The following ZC3HAV1L variants were observed in gnomAD, a reference collection of about 807,000 sequenced individuals.
ZC3HAV1L encodes the protein ZC3HAV1 like.
In ZC3HAV1L, 23 loss-of-function variants were observed where a neutral mutation model predicts 28.2. That is an observed-to-expected ratio of 0.82 (90% CI 0.59 to 1.16). The LOEUF is 1.16. ZC3HAV1L is among the 50% of genes most tolerant of loss of function. The probability of loss-of-function intolerance (pLI) is 0.00; values close to 1 mark genes in which losing one functional copy is unlikely to be tolerated. For synonymous variants in ZC3HAV1L, 180 were observed against 163.4 expected, an observed-to-expected ratio of 1.10 and a Z score of -0.78; for missense variants, 376 against 387.7, an observed-to-expected ratio of 0.97 and a Z score of 0.25.
chr7:139,035,216 G>A (rs1315037937), intron 1 of ZC3HAV1L: 62 of 985,328 alleles, frequency 6.3e-5, no homozygotes, highest in Admixed American at 1.2e-4. Flanking sequence ...AGAGGGCGCA[G>A]ACCCGCTTCT....
chr7:139,035,956 A>C lies in ZC3HAV1L; in HGVS notation c.62T>G (p.Met21Arg). The C allele has an allele frequency of 6.6e-7, 1 of 1,519,940 alleles. No homozygotes were observed. The highest frequency in any genetic ancestry group is 8.8e-7 in the Non-Finnish European group (1 of 1,141,900). The allele number at this position is 1,519,940 out of a possible 1,614,324, so 94.2% of individuals were successfully genotyped here. The change falls in exon 1 of 5, where the codon ATG (methionine) becomes AGG (arginine). Residue 21 changes from methionine (M) to arginine (R), a missense_variant. Met to Arg is a moderately conservative substitution (Grantham distance 91). Coordinates refer to ENST00000275766, the MANE Select transcript of ZC3HAV1L (RefSeq NM_080660.4). ...TKVLCAHGGR[M>R]FLKDLRGHVE... ...GTGGCCGCGCAGGTCCTTCAGGAAC[A>C]TGCGGCCGCCGTGGGCGCACAGCAC...
At chr7:139,028,385 AAAAAC>A (rs1815419455) in intron 3 of ZC3HAV1L, among the ~76,000 whole-genome samples, 1 of 150,068 alleles carries the variant, frequency 6.7e-6, no homozygotes, top group Non-Finnish European at 1.5e-5. Context: ...AAAAAAAAAC[AAAAAC>A]AAAACCTGTT....
At chr7:139,025,114 C>T (rs1039997644), downstream of ZC3HAV1L, among the ~76,000 whole-genome samples, 1 of 152,144 alleles carries the variant, frequency 6.6e-6, no homozygotes, top group East Asian at 1.9e-4. Context: ...GGATATACTG[C>T]TCATCCTTCA....
In ZC3HAV1L at chr7:139,026,498, C is replaced by A; in HGVS notation, c.*46G>T. The A allele has an allele frequency of 6.2e-7, 1 of 1,611,548 alleles. No individual in the cohort carries two copies. On this transcript the variant is annotated 3_prime_UTR_variant, in exon 5 of 5. Transcript: ENST00000275766. ...CCACCCCATCCCCAACCACCCATGC[C>A]CAAATGTATTCTTCCAAAAGGACAT...
chr7:139,034,968 T>C (rs1584823620), intron 1 of ZC3HAV1L: 1 of 985,340 alleles, frequency 1.0e-6, no homozygotes, highest in Non-Finnish European at 1.2e-6. Flanking sequence ...CCTGGCCTTC[T>C]CCCCGGCAAC....
chr7:139,035,108 C>T, intron 1 of ZC3HAV1L: 1 of 985,442 alleles, frequency 1.0e-6, no homozygotes, highest in Non-Finnish European at 1.2e-6. Flanking sequence ...CAGGAGGCAG[C>T]CCCGAACCCC....
At position 139,035,996 on chromosome 7, in the gene ZC3HAV1L, A is replaced by C. The variant is rs1373637895; in HGVS notation, c.22T>G (p.Ser8Ala). 2 of 1,520,572 alleles carry C rather than the reference A, an allele frequency of 1.3e-6. No homozygotes were observed. Among genetic ancestry groups the C allele is most frequent in the African/African-American group, 1.4e-5 (1 of 69,584 alleles). 94.2% of individuals were successfully genotyped at this position (1,520,572 alleles called of 1,614,324 possible). The stretch of plus-strand genomic sequence containing the variant: ...GCGCACAGCACCTTGGTGAGGAAGG[A>C]GCACACTGTGGGCTCCGCCATGGTC... MAEPTVCSFLTKVLCAHG... is the reference protein window; with the variant it reads MAEPTVCAFLTKVLCAHG... The change falls in exon 1 of 5, where the codon TCC (serine) becomes GCC (alanine). Residue 8 changes from serine to alanine, a missense_variant. Coordinates refer to ENST00000275766, the MANE Select transcript of ZC3HAV1L (RefSeq NM_080660.4).
rs1211860767 is a variant in ZC3HAV1L at position 139,035,742 on chromosome 7, G to T, written c.276C>A (p.Ala92=). Residue 92 remains alanine, a synonymous_variant, in exon 1 of 5, where the codon GCC becomes GCA. Transcript: ENST00000275766. ...CCTGGCACTCGCCGCGCTGGTAGCGGGCGCAGAGGCGCACAGAGGACACGG... is the reference window on the plus strand; with the variant it reads ...CCTGGCACTCGCCGCGCTGGTAGCGTGCGCAGAGGCGCACAGAGGACACGG... The part of the protein sequence containing the change: ...VVAVSSVRLC[A]RYQRGECQAC... The T allele has an allele frequency of 1.3e-6, 2 of 1,489,410 alleles. No individual in the cohort carries two copies. The highest frequency in any genetic ancestry group is 2.3e-5 in the Admixed American group (1 of 44,192). 92.3% of individuals were successfully genotyped at this position (1,489,410 alleles called of 1,614,324 possible).
chr7:139,026,718 C>T lies in ZC3HAV1L; in HGVS notation c.876G>A (p.Lys292=). ...CCCTTTAAGGTTTACCTGGGCAGGG[C>T]TTCTTGGCCGACTGAGCAGGGACAG... ...LASVPAQSAK[K]PCPVSCEK Residue 292 remains lysine, a synonymous_variant, in exon 4 of 5, where the codon AAG becomes AAA. Coordinates refer to ENST00000275766, the MANE Select transcript of ZC3HAV1L (RefSeq NM_080660.4). The T allele has an allele frequency of 6.2e-7, 1 of 1,614,112 alleles. No homozygotes were observed. The highest frequency in any genetic ancestry group is 8.5e-7 in the Non-Finnish European group (1 of 1,180,002).
chr7:139,025,390 G>T (rs553672893), downstream of ZC3HAV1L, among the ~76,000 whole-genome samples: 9 of 151,534 alleles, frequency 5.9e-5, no homozygotes, highest in South Asian at 1.9e-3. Context: ...GGAGGTTATG[G>T]TGAGATGAGA....
rs1815355092 is a variant in ZC3HAV1L, at chr7:139,026,494, A to C, written c.*50T>G. The C allele has an allele frequency of 6.2e-7, 1 of 1,610,452 alleles. No homozygotes were observed. Among genetic ancestry groups the C allele is most frequent in the Admixed American group, 1.7e-5 (1 of 59,908 alleles). On this transcript the variant is annotated 3_prime_UTR_variant, in exon 5 of 5. Transcript: ENST00000275766. ...TGTCCCACCCCATCCCCAACCACCCATGCCCAAATGTATTCTTCCAAAAGG... is the reference window on the plus strand; with the variant it reads ...TGTCCCACCCCATCCCCAACCACCCCTGCCCAAATGTATTCTTCCAAAAGG...
At chr7:139,035,443 T>C in intron 1 of ZC3HAV1L, 1 of 985,198 alleles carries the variant, frequency 1.0e-6, no homozygotes, top group Non-Finnish European at 1.2e-6. Flanking sequence ...GGTTGAGACG[T>C]CTCCATGGAG....
rs752733109 is a variant in ZC3HAV1L at position 139,034,547 on chromosome 7, G to A, written c.497C>T (p.Pro166Leu). 1.2e-6 allele frequency: 2 copies of A among 1,614,124 alleles called. No homozygotes were observed. Residue 166 changes from proline to leucine, a missense_variant, in exon 2 of 5, where the codon CCA (proline) becomes CTA (leucine). Coordinates refer to ENST00000275766, the MANE Select transcript of ZC3HAV1L (RefSeq NM_080660.4). ...LLLQNDPCLL[P>L]EVCLLYNKGE... is the part of the protein sequence containing the mutation. Reference sequence around the variant, plus strand: ...GGTGACTCCTTGGTGACTCACCTCTGGTAAAAGACAGGGGTCATTCTGCAA... The same window carrying A: ...GGTGACTCCTTGGTGACTCACCTCTAGTAAAAGACAGGGGTCATTCTGCAA...
At chr7:139,030,026 C>T (rs1815477327) in intron 2 of ZC3HAV1L, among the ~76,000 whole-genome samples, 1 of 152,192 alleles carries the variant, frequency 6.6e-6, no homozygotes, top group Non-Finnish European at 1.5e-5. Context: ...TGATGTGATG[C>T]AACAGAAATA....
Position 139,035,806 on chromosome 7 carries a change from G to T in ZC3HAV1L, c.212C>A (p.Ala71Glu). ...GGCGGAGGTGCCGCCACCGCCCACCGCGCCGGCCGCCGCCTCGGCCTCCGC... is the reference window on the plus strand; with the variant it reads ...GGCGGAGGTGCCGCCACCGCCCACCTCGCCGGCCGCCGCCTCGGCCTCCGC... ...GDAEAEAAAG[A>E]VGGGGTSAWR... Residue 71 changes from alanine (A) to glutamate (E), a missense_variant, in exon 1 of 5, where the codon GCG becomes GAG. Ala to Glu is a moderately radical substitution (Grantham distance 107). Transcript: ENST00000275766. 1 of 1,486,028 alleles carries T rather than the reference G, an allele frequency of 6.7e-7. No homozygotes were observed. The highest frequency in any genetic ancestry group is 1.3e-5 in the South Asian group (1 of 77,900). The allele number at this position is 1,486,028 out of a possible 1,614,324, so 92.1% of individuals were successfully genotyped here.
intron 2 of ZC3HAV1L, among the ~76,000 whole-genome samples, chr7:139,029,311 G>C (rs1367337185): frequency 6.6e-6 from 1 of 152,062 alleles, no homozygotes; most frequent in African/African-American, 2.4e-5. Context: ...GCCAATATTA[G>C]TTTTCACTCT....
intron 1 of ZC3HAV1L, 198 bp downstream of exon 1, chr7:139,035,455 G>A: frequency 1.0e-6 from 1 of 985,418 alleles, no homozygotes; most frequent in Non-Finnish European, 1.2e-6. Flanking sequence ...TCCATGGAGA[G>A]GACCTTCGCG....
At chr7:139,022,656 C>T (rs577334779), downstream of ZC3HAV1L, among the ~76,000 whole-genome samples, 4 of 152,302 alleles carry the variant, frequency 2.6e-5, no homozygotes, top group African/African-American at 9.6e-5. Context: ...GTCTTCACTA[C>T]CAAGTGTTAC....
chr7:139,026,378 C>CTAGGAGCTGCAGA lies in ZC3HAV1L; in HGVS notation c.*153_*165dup. 2.8e-6 allele frequency: 3 copies of CTAGGAGCTGCAGA among 1,081,342 alleles called. No homozygotes were observed. The highest frequency in any genetic ancestry group is 3.9e-6 in the Non-Finnish European group (3 of 776,350). 67.0% of individuals were successfully genotyped at this position (1,081,342 alleles called of 1,614,324 possible). Reference sequence around the variant, plus strand: ...CATCTACCCAGCCTGAGGAAAGCACCTAGGAGCTGCAGATAGCAGCTGCCA... The same window carrying CTAGGAGCTGCAGA: ...CATCTACCCAGCCTGAGGAAAGCACCTAGGAGCTGCAGATAGGAGCTGCAGATAGCAGCTGCCA... On this transcript the variant is annotated 3_prime_UTR_variant, in exon 5 of 5. Transcript: ENST00000275766.
Sources: allele counts gnomAD v4.1 joint callset (sites outside exome capture counted in the v4.1 genomes callset), GRCh38; gene constraint gnomAD v4.1.1; transcripts MANE v1.5; gene names NCBI Gene and HGNC (gene_info 2026-07-23, HGNC 2026-07-21).